CNTN4: variants seen among roughly 807,000 people sequenced by gnomAD.
The protein encoded by CNTN4 is contactin 4.
Under a neutral mutation model 122.5 loss-of-function variants are expected in CNTN4, and 77 were observed. The ratio of observed to expected loss-of-function variants is 0.63; its 90% CI spans 0.52 to 0.76. CNTN4 has a LOEUF of 0.76. Among genes scored for constraint, CNTN4 ranks in the 30% least tolerant of loss-of-function variants. The pLI is 0.00. For synonymous variants in CNTN4, 512 were observed against 447.0 expected (o/e 1.15, Z -1.83); for missense variants, 1,256 against 1,259.1 (o/e 1.00, Z 0.04).
intron 6 of CNTN4, among the ~76,000 whole-genome samples, chr3:2,775,664 G>A (rs1163163659): frequency 6.6e-6 from 1 of 152,050 alleles, no homozygotes. Flanking sequence ...CAAGTGATCT[G>A]CCTGCCTTAG....
chr3:2,413,735 G>A (rs578024465), intron 3 of CNTN4, among the ~76,000 whole-genome samples: 1 of 152,118 alleles, frequency 6.6e-6, no homozygotes, highest in Admixed American at 6.6e-5. Flanking sequence ...GTAGAGACGG[G>A]GTTTCACCAT....
chr3:2,938,759 G>T (rs1024582239), intron 13 of CNTN4, among the ~76,000 whole-genome samples: 5 of 152,168 alleles, frequency 3.3e-5, no homozygotes, highest in African/African-American at 1.2e-4. Flanking sequence ...TGATTTCAGG[G>T]CTGGGTTAGA....
chr3:2,783,626 A>G (rs527562450), intron 6 of CNTN4, among the ~76,000 whole-genome samples: 1 of 152,342 alleles, frequency 6.6e-6, no homozygotes, highest in South Asian at 2.1e-4. Context: ...TTTTCTCTAG[A>G]GTAATTGAAA....
chr3:2,821,099 T>C (rs2150267003), intron 7 of CNTN4, among the ~76,000 whole-genome samples: 1 of 151,454 alleles, frequency 6.6e-6, no homozygotes, highest in East Asian at 1.9e-4. Flanking sequence ...GTAGCTGGGA[T>C]TACAGGCACC....
chr3:2,505,352 C>A (rs2149032244), intron 3 of CNTN4, among the ~76,000 whole-genome samples: 1 of 152,210 alleles, frequency 6.6e-6, no homozygotes, highest in African/African-American at 2.4e-5. Flanking sequence ...ATTGTGCCAT[C>A]TTTTCAACTT....
At chr3:2,467,312 C>T (rs576295719) in intron 3 of CNTN4, among the ~76,000 whole-genome samples, 1 of 152,182 alleles carries the variant, frequency 6.6e-6, no homozygotes, top group Non-Finnish European at 1.5e-5. Flanking sequence ...ATAGTTTGGC[C>T]TCTCAGTGCA....
At chr3:2,728,944 C>G (rs1253251379) in intron 4 of CNTN4, among the ~76,000 whole-genome samples, 1 of 152,170 alleles carries the variant, frequency 6.6e-6, no homozygotes, top group Non-Finnish European at 1.5e-5. Flanking sequence ...GCTGTTATGG[C>G]AGCACTTCAT....
Position 2,397,522 on chromosome 3 carries a change from T to C in CNTN4, c.-89+58289T>C, listed in dbSNP as rs553543503. ...TTTTTTTAGCAGTTTCTGGATATTT[T>C]AGAAGTGTGCTCCTCACATATACAT... On this transcript the variant is annotated intron_variant, in intron 3 of 24. Transcript: ENST00000418658. Among the ~76,000 whole-genome samples, 94 of 152,298 alleles carry C rather than the reference T, an allele frequency of 6.2e-4. 1 individual carries two copies. The highest frequency in any genetic ancestry group is 1.1e-3 in the Non-Finnish European group (73 of 68,006).
At chr3:2,630,010 C>G (rs1314605838) in intron 4 of CNTN4, among the ~76,000 whole-genome samples, 1 of 152,186 alleles carries the variant, frequency 6.6e-6, no homozygotes, top group Non-Finnish European at 1.5e-5. Flanking sequence ...GAATCTGCCT[C>G]TCTACCTGCT....
intron 10 of CNTN4, among the ~76,000 whole-genome samples, chr3:2,887,646 T>G (rs1475360862): frequency 6.6e-6 from 1 of 152,138 alleles, no homozygotes; most frequent in Non-Finnish European, 1.5e-5. Flanking sequence ...TTGCTCCTAT[T>G]TGTTAGCAAT....
intron 3 of CNTN4, among the ~76,000 whole-genome samples, chr3:2,510,448 A>G (rs776883740): frequency 2.0e-5 from 3 of 150,472 alleles, no homozygotes; most frequent in East Asian, 2.0e-4. Flanking sequence ...GACTCCCTCA[A>G]TGTTCTCCCT....
chr3:2,570,026 C>A (rs952677762), intron 3 of CNTN4, among the ~76,000 whole-genome samples: 2 of 151,930 alleles, frequency 1.3e-5, no homozygotes, highest in African/African-American at 4.8e-5. Flanking sequence ...TTCACATATA[C>A]ATTCACACAT....
At chr3:2,854,691 TA>T (rs1476473743) in intron 7 of CNTN4, among the ~76,000 whole-genome samples, 1 of 152,206 alleles carries the variant, frequency 6.6e-6, no homozygotes, top group Admixed American at 6.5e-5. Flanking sequence ...AATTGTTTAA[TA>T]ATTTGGTGAA....
intron 4 of CNTN4, among the ~76,000 whole-genome samples, chr3:2,673,368 T>C (rs981831646): frequency 6.6e-6 from 1 of 152,172 alleles, no homozygotes; most frequent in East Asian, 1.9e-4. Context: ...TTGCAAAATA[T>C]AACCCTGAAT....
chr3:2,560,692 C>A (rs771233430), intron 3 of CNTN4, among the ~76,000 whole-genome samples: 1 of 152,174 alleles, frequency 6.6e-6, no homozygotes, highest in African/African-American at 2.4e-5. Context: ...CATTTATGTT[C>A]TTGACTGATA....
intron 2 of CNTN4, among the ~76,000 whole-genome samples, chr3:2,283,750 A>G (rs1206511906): frequency 6.6e-6 from 1 of 152,078 alleles, no homozygotes; most frequent in Non-Finnish European, 1.5e-5. Flanking sequence ...ACCATCACCC[A>G]TTCCCTAAAT....
chr3:2,382,389 T>G (rs1279706124), intron 3 of CNTN4, among the ~76,000 whole-genome samples: 1 of 151,990 alleles, frequency 6.6e-6, no homozygotes, highest in East Asian at 1.9e-4. Context: ...ACTCCTGACC[T>G]CATGATCCAC....
chr3:2,943,625 T>TATAA (rs2094639751), intron 13 of CNTN4, among the ~76,000 whole-genome samples: 13 of 77,600 alleles, frequency 1.7e-4, no homozygotes, highest in African/African-American at 6.5e-4. Context: ...TATATATATA[T>TATAA]ATATATTTTT....
chr3:2,461,053 C>T (rs2049187818), intron 3 of CNTN4, among the ~76,000 whole-genome samples: 1 of 152,098 alleles, frequency 6.6e-6, no homozygotes, highest in Non-Finnish European at 1.5e-5. Flanking sequence ...ACCAGTCTTA[C>T]AAATGTCTGT....
Sources: allele counts gnomAD v4.1 joint callset (sites outside exome capture counted in the v4.1 genomes callset), GRCh38; gene constraint gnomAD v4.1.1; transcripts MANE v1.5; gene names NCBI Gene and HGNC (gene_info 2026-07-23, HGNC 2026-07-21).